FSHR: variants seen among roughly 807,000 people sequenced by gnomAD.
The protein encoded by FSHR is follicle-stimulating hormone receptor.
A neutral mutation model predicts 52.1 loss-of-function variants in FSHR; 46 were observed. The ratio of observed to expected loss-of-function variants is 0.88; its 90% CI spans 0.70 to 1.13. The LOEUF is 1.13. Ranked by LOEUF, FSHR falls within the 50% of genes most tolerant of loss-of-function variation. The pLI is 0.00. For missense variants in FSHR, 964 were observed against 834.6 expected, an observed-to-expected ratio of 1.16 and a Z score of -1.91; for synonymous variants, 399 against 309.6, an observed-to-expected ratio of 1.29 and a Z score of -3.03.
intron 1 of FSHR, among the ~76,000 whole-genome samples, chr2:49,117,685 G>C (rs1158153614): frequency 6.6e-6 from 1 of 152,178 alleles, no homozygotes; most frequent in Non-Finnish European, 1.5e-5. Flanking sequence ...GTTAAGTATA[G>C]CAGGACCAAG....
chr2:49,045,958 A>C (rs1274595858), intron 2 of FSHR, among the ~76,000 whole-genome samples: 1 of 152,230 alleles, frequency 6.6e-6, no homozygotes, highest in Admixed American at 6.5e-5. Flanking sequence ...AATAGATGAC[A>C]GGCAACATGG....
Position 49,145,126 on chromosome 2 carries a change from T to A in FSHR, c.152+9140A>T, listed in dbSNP as rs1672823040. ...CCCAACAGGCATAAAATAGTATTTA[T>A]CAATACAAGTAGTTTTGGAAAAACG... On this transcript the variant is annotated intron_variant, in intron 1 of 9. Transcript: ENST00000406846. Among the ~76,000 whole-genome samples the A allele has an allele frequency of 2.0e-5, 3 of 152,226 alleles. No individual in the cohort carries two copies. In the South Asian group the frequency reaches 6.2e-4, roughly 32 times the overall value.
intron 1 of FSHR, among the ~76,000 whole-genome samples, chr2:49,147,959 G>T (rs993032844): frequency 1.3e-5 from 2 of 151,968 alleles, no homozygotes; most frequent in Non-Finnish European, 2.9e-5. Flanking sequence ...AGGGCAATTT[G>T]CACAGTGGGG....
chr2:48,979,223 T>C (rs1198935088), intron 8 of FSHR, among the ~76,000 whole-genome samples: 2 of 151,910 alleles, frequency 1.3e-5, no homozygotes, highest in Non-Finnish European at 2.9e-5. Flanking sequence ...GGCAGGAGAA[T>C]AACTTGAGGC....
At chr2:49,021,241 T>G (rs1482990145) in intron 2 of FSHR, among the ~76,000 whole-genome samples, 2 of 152,134 alleles carry the variant, frequency 1.3e-5, no homozygotes, top group Non-Finnish European at 2.9e-5. Flanking sequence ...GGTCTCAGCG[T>G]TTTTTTCTCC....
intron 2 of FSHR, among the ~76,000 whole-genome samples, chr2:49,038,644 TAATA>T (rs1668377688): frequency 8.3e-6 from 1 of 119,860 alleles, no homozygotes; most frequent in Non-Finnish European, 1.8e-5. Flanking sequence ...ATAATAATAA[TAATA>T]ATAATAATAA....
chr2:49,006,285 G>A (rs1667073320), intron 4 of FSHR, among the ~76,000 whole-genome samples: 1 of 152,018 alleles, frequency 6.6e-6, no homozygotes, highest in Admixed American at 6.6e-5. Context: ...CCTGCTACTG[G>A]TCAACTTACA....
intron 8 of FSHR, among the ~76,000 whole-genome samples, chr2:48,981,043 G>A (rs1227121197): frequency 1.3e-5 from 2 of 152,130 alleles, no homozygotes; most frequent in Non-Finnish European, 2.9e-5. Flanking sequence ...CTGCTATTGT[G>A]GGGATCAAAG....
chr2:49,051,514 C>T (rs548091559), intron 2 of FSHR, among the ~76,000 whole-genome samples: 28 of 152,050 alleles, frequency 1.8e-4, no homozygotes, highest in African/African-American at 6.5e-4. Context: ...ATATTTTGCC[C>T]ATTTTAAATT....
chr2:49,088,885 A>T (rs868508125), intron 1 of FSHR, among the ~76,000 whole-genome samples: 19 of 152,210 alleles, frequency 1.2e-4, no homozygotes, highest in African/African-American at 4.3e-4. Flanking sequence ...CTTAAAACTA[A>T]TTTCTGTATT....
At chr2:49,058,603 G>T (rs549213865) in intron 2 of FSHR, among the ~76,000 whole-genome samples, 1 of 151,898 alleles carries the variant, frequency 6.6e-6, no homozygotes, top group East Asian at 1.9e-4. Flanking sequence ...ATTCAGTAAA[G>T]TTGAAAGATA....
At chr2:49,105,368 T>A (rs2349714) in intron 1 of FSHR, among the ~76,000 whole-genome samples, 56,073 of 151,718 alleles carry the variant, frequency 0.37, 10,845 homozygotes, top group East Asian at 0.53. Context: ...CTCACCAGTT[T>A]CTCCTGAGCC....
At chr2:49,122,070 A>G (rs1671835839) in intron 1 of FSHR, among the ~76,000 whole-genome samples, 2 of 152,178 alleles carry the variant, frequency 1.3e-5, no homozygotes, top group South Asian at 2.1e-4. Flanking sequence ...GCTGTAGCTT[A>G]TTTTCTTTTA....
intron 1 of FSHR, among the ~76,000 whole-genome samples, chr2:49,069,402 A>G (rs956716262): frequency 3.3e-5 from 5 of 152,104 alleles, no homozygotes; most frequent in Non-Finnish European, 5.9e-5. Context: ...GCTTTCGCTA[A>G]CCATCTATTT....
At chr2:48,965,203 A>G (rs1489018234) in intron 9 of FSHR, among the ~76,000 whole-genome samples, 1 of 152,126 alleles carries the variant, frequency 6.6e-6, no homozygotes, top group Non-Finnish European at 1.5e-5. Context: ...ATGCTAAAGG[A>G]TGAGTCTTGC....
At chr2:48,993,966 C>T (rs1169044321) in intron 4 of FSHR, among the ~76,000 whole-genome samples, 2 of 152,158 alleles carry the variant, frequency 1.3e-5, no homozygotes, top group Non-Finnish European at 2.9e-5. Context: ...TAGCACTCCT[C>T]AAAACTCTGA....
At chr2:49,149,500 C>T (rs1404523976) in intron 1 of FSHR, among the ~76,000 whole-genome samples, 1 of 151,986 alleles carries the variant, frequency 6.6e-6, no homozygotes, top group African/African-American at 2.4e-5. Flanking sequence ...CCAGCCTTTC[C>T]CAAAGTGACC....
chr2:49,084,866 CAA>C, intron 1 of FSHR, among the ~76,000 whole-genome samples: 1 of 152,036 alleles, frequency 6.6e-6, no homozygotes, highest in African/African-American at 2.4e-5. Context: ...GCTTACCAAC[CAA>C]AAAGAGTCCA....
chr2:49,152,293 T>G (rs1673091111), intron 1 of FSHR, among the ~76,000 whole-genome samples: 1 of 152,166 alleles, frequency 6.6e-6, no homozygotes, highest in Non-Finnish European at 1.5e-5. Context: ...TCACACTCTC[T>G]CACACAGTCT....
Sources: gnomAD v4.1 joint callset for allele counts (sites outside exome capture counted in the v4.1 genomes callset) on GRCh38, gnomAD v4.1.1 for gene constraint, MANE v1.5 for transcripts, NCBI Gene and HGNC (gene_info 2026-07-23, HGNC 2026-07-21) for gene names.